Variants in PABPN1L observed in about 807,000 individuals in gnomAD.
The protein encoded by PABPN1L is PABPN1 like, cytoplasmic, also known as embryonic polyadenylate-binding protein 2.
PABPN1L carries 45 observed loss-of-function variants against 34.0 expected under a neutral mutation model. That is an observed-to-expected ratio of 1.32 (90% CI 1.04 to 1.70). The LOEUF (loss-of-function observed/expected upper bound fraction) is 1.70, where lower values mean the gene tolerates loss of function less well. Among genes scored for constraint, PABPN1L ranks in the 40% most tolerant of loss-of-function variants. PABPN1L has a pLI of 0.00. For missense variants in PABPN1L, 459 were observed against 367.8 expected (o/e 1.25, Z -2.03); for synonymous variants, 182 against 152.1 (o/e 1.20, Z -1.45).
Position 88,863,480 on chromosome 16 carries a change from C to T in PABPN1L, c.*276G>A, listed in dbSNP as rs1167662297. 14 of 565,036 alleles carry T rather than the reference C, an allele frequency of 2.5e-5. No individual in the cohort carries two copies. The East Asian group carries it at 3.5e-4, about 14-fold the overall frequency. 35.0% of individuals were successfully genotyped at this position (565,036 alleles called of 1,614,324 possible). ...CTGCCTGGGACTCTGCTCCTCCCCT[C>T]CCTCAACACCCAGAGCCCCGCAGAT... is the stretch of plus-strand genomic sequence containing the variant. On this transcript the variant is annotated 3_prime_UTR_variant, in exon 7 of 7. Coordinates refer to ENST00000419291, the Ensembl canonical transcript of PABPN1L.
In PABPN1L at chr16:88,866,424, C is replaced by T. The variant is rs182383202; in HGVS notation, c.183G>A (p.Gln61=). The T allele has an allele frequency of 1.9e-6, 3 of 1,551,496 alleles. No homozygotes were observed. In the African/African-American group the frequency reaches 4.1e-5, roughly 21 times the overall value. Residue 61 remains glutamine (Q), a synonymous_variant, in exon 1 of 7, where the codon CAG becomes CAA. Transcript: ENST00000419291. ...ACAGCAGAAAGCCTGCATCCCCATC[C>T]TGGTCTTCCTCTGCATCCTCTTCCT...
chr16:88,868,094 G>A (rs1968636641), upstream of PABPN1L, among the ~76,000 whole-genome samples: 1 of 152,190 alleles, frequency 6.6e-6, no homozygotes, highest in South Asian at 2.1e-4. Flanking sequence ...TCCATCTTGG[G>A]CTGGGGGCTC....
rs139345106 is a variant in PABPN1L, at chr16:88,864,390, G to A, written c.655-11C>T. On this transcript the variant is annotated splice_polypyrimidine_tract_variant and intron_variant, in intron 5 of 6. Coordinates refer to ENST00000419291, the Ensembl canonical transcript of PABPN1L. ...TCTTTTCGGCAGCACCTGGAGCAAA[G>A]GCCTGTTTTGAGTCCTCCTCAAGGA... 1.9e-6 allele frequency: 3 copies of A among 1,552,710 alleles called. No homozygotes were observed. The highest frequency in any genetic ancestry group is 1.4e-5 in the African/African-American group (1 of 73,268).
At chr16:88,867,490 C>T (rs1968626846), upstream of PABPN1L, among the ~76,000 whole-genome samples, 1 of 152,292 alleles carries the variant, frequency 6.6e-6, no homozygotes, top group Non-Finnish European at 1.5e-5. Flanking sequence ...CTCGGCCTCC[C>T]GAAGTGCTGG....
At chr16:88,865,178 CGGG>C in intron 3 of PABPN1L, 50 bp from the exon 4 acceptor site, 1 of 1,532,536 alleles carries the variant, frequency 6.5e-7, no homozygotes, top group Non-Finnish European at 8.8e-7. Flanking sequence ...GGCCCTGACT[CGGG>C]GCCTTCTTGT....
chr16:88,865,240 C>T, intron 3 of PABPN1L, 112 bp from the exon 4 acceptor site: 1 of 1,117,230 alleles, frequency 9.0e-7, no homozygotes, highest in Non-Finnish European at 1.3e-6. Context: ...GCGGGGATGG[C>T]CCCAGGCCTC....
upstream of PABPN1L, among the ~76,000 whole-genome samples, chr16:88,869,390 C>T (rs1968657415): frequency 6.6e-6 from 1 of 152,260 alleles, no homozygotes; most frequent in South Asian, 2.1e-4. Context: ...CCTGCGAACA[C>T]GGTGCCACTG....
At chr16:88,864,275 G>T in exon 6 of PABPN1L, 1 of 1,557,058 alleles carries the variant, frequency 6.4e-7, no homozygotes, top group African/African-American at 1.4e-5. Flanking sequence ...GCCTGCCCTG[G>T]AGGCCGCTGT....
upstream of PABPN1L, among the ~76,000 whole-genome samples, chr16:88,868,278 A>G (rs921046175): frequency 2.0e-5 from 3 of 152,224 alleles, no homozygotes; most frequent in African/African-American, 7.2e-5. Flanking sequence ...ACACGAAGCC[A>G]CAGGCAACAT....
exon 7 of PABPN1L, chr16:88,863,779 A>G: frequency 6.5e-7 from 1 of 1,536,078 alleles, no homozygotes; most frequent in Non-Finnish European, 8.7e-7. Context: ...AACCATGGTG[A>G]GAATTTTCCA....
chr16:88,869,161 G>A (rs28450107), upstream of PABPN1L, among the ~76,000 whole-genome samples: 13,985 of 152,234 alleles, frequency 0.092, 2,195 homozygotes, highest in African/African-American at 0.32. Flanking sequence ...TTTAGGTCCC[G>A]AAATTCTGTT....
intron 1 of PABPN1L, 97 bp from the exon 2 acceptor site, chr16:88,866,038 C>A: frequency 6.9e-7 from 1 of 1,451,078 alleles, no homozygotes; most frequent in South Asian, 1.4e-5. Context: ...GGGTCACAGC[C>A]CCAAGGGGCA....
chr16:88,866,740 G>A, upstream of PABPN1L: 1 of 1,225,986 alleles, frequency 8.2e-7, no homozygotes, highest in South Asian at 1.7e-5. Context: ...CATTTGCAAA[G>A]GCTGAGTGGG....
In PABPN1L at chr16:88,864,860, A is replaced by AC. The variant is rs1382525509; in HGVS notation, c.646dup (p.Val216GlyfsTer119). 1 of 1,601,572 alleles carries AC rather than the reference A, an allele frequency of 6.2e-7. No homozygotes were observed. The highest frequency in any genetic ancestry group is 1.3e-5 in the African/African-American group (1 of 74,320). On this transcript the variant is annotated frameshift_variant, in exon 5 of 7. Coordinates refer to ENST00000419291, the Ensembl canonical transcript of PABPN1L. LOFTEE classifies it high-confidence loss of function. ...TGGGGAGCACCGGCGCACCTTGATG[A>AC]CCCGGCCCCGGAAGAGGCTCTGGTC...
In PABPN1L at chr16:88,865,851, C is replaced by T. The variant is rs562075604; in HGVS notation, c.346G>A (p.Glu116Lys). ...AGCTGCCCGGCCGCGGTGCCCTCCT[C>T]TTCCTCGGCCTGTTGCTGCACTCCT... The change falls in exon 2 of 7, where the codon GAG becomes AAG. Residue 116 changes from glutamate to lysine, a missense_variant. By Grantham distance (56) the Glu-to-Lys change is moderately conservative. Transcript: ENST00000419291. The T allele has an allele frequency of 3.7e-5, 60 of 1,610,000 alleles. 1 individual carries two copies. In the Admixed American group the frequency reaches 8.5e-4, roughly 23 times the overall value.
exon 6 of PABPN1L, chr16:88,864,278 G>T (rs1339769717): frequency 1.9e-6 from 3 of 1,550,088 alleles, no homozygotes; most frequent in African/African-American, 1.4e-5. Context: ...TGCCCTGGAG[G>T]CCGCTGTGGG....
chr16:88,866,666 C>T (rs1000393007), upstream of PABPN1L: 22 of 1,465,536 alleles, frequency 1.5e-5, no homozygotes, highest in Admixed American at 4.9e-5. Flanking sequence ...CCCTCGCGTC[C>T]GCACCTGCCC....
At chr16:88,864,731 C>A in intron 5 of PABPN1L, 122 bp downstream of exon 5, 1 of 1,151,132 alleles carries the variant, frequency 8.7e-7, no homozygotes, top group Non-Finnish European at 1.2e-6. Context: ...CCAGGCCCAG[C>A]CAAGCACCGT....
intron 5 of PABPN1L, 77 bp from the exon 6 acceptor site, chr16:88,864,456 C>A: frequency 1.4e-6 from 2 of 1,477,122 alleles, no homozygotes; most frequent in Non-Finnish European, 1.8e-6. Context: ...GCCCCCACCA[C>A]CCCGGAGCAT....
Sources: gnomAD v4.1 joint callset for allele counts (sites outside exome capture counted in the v4.1 genomes callset) on GRCh38, gnomAD v4.1.1 for gene constraint, MANE v1.5 for transcripts, NCBI Gene and HGNC (gene_info 2026-07-23, HGNC 2026-07-21) for gene names.